ZBTB8A: variants seen among roughly 807,000 people sequenced by gnomAD.
ZBTB8A encodes the protein zinc finger and BTB domain containing 8A.
A neutral mutation model predicts 37.8 loss-of-function variants in ZBTB8A; 19 were observed. The observed-to-expected ratio is 0.50, with a 90% CI of 0.35 to 0.74. ZBTB8A has a LOEUF of 0.74. ZBTB8A is among the 30% of genes least tolerant of loss of function. The pLI is 0.01. For missense variants in ZBTB8A, 394 were observed against 537.8 expected (o/e 0.73, Z 2.65); for synonymous variants, 181 against 185.2 (o/e 0.98, Z 0.19).
At chr1:32,566,820 A>G (rs555327081) in intron 2 of ZBTB8A, among the ~76,000 whole-genome samples, 1 of 152,262 alleles carries the variant, frequency 6.6e-6, no homozygotes, top group Middle Eastern at 3.4e-3. Flanking sequence ...TGCAGACACA[A>G]GGGATGCCAG....
intron 1 of ZBTB8A, among the ~76,000 whole-genome samples, chr1:32,550,446 A>G (rs1405085758): frequency 6.6e-6 from 1 of 151,820 alleles, no homozygotes; most frequent in Non-Finnish European, 1.5e-5. Flanking sequence ...GTGAGACCCC[A>G]TCTCTACAAA....
chr1:32,573,918 T>G (rs1421104309), intron 2 of ZBTB8A, among the ~76,000 whole-genome samples: 1 of 150,920 alleles, frequency 6.6e-6, no homozygotes, highest in African/African-American at 2.4e-5. Context: ...CTACTAAAAA[T>G]CCAAAAAATT....
At chr1:32,563,093 T>G (rs1209522407) in intron 2 of ZBTB8A, among the ~76,000 whole-genome samples, 1 of 152,238 alleles carries the variant, frequency 6.6e-6, no homozygotes, top group Non-Finnish European at 1.5e-5. Context: ...ACTTTATTGT[T>G]TTAACTCTTA....
intron 2 of ZBTB8A, among the ~76,000 whole-genome samples, chr1:32,565,353 A>G (rs1246309269): frequency 6.6e-6 from 1 of 152,064 alleles, no homozygotes; most frequent in African/African-American, 2.4e-5. Context: ...AAAGAAAAAA[A>G]GAAATCCGTT....
intron 2 of ZBTB8A, among the ~76,000 whole-genome samples, chr1:32,567,446 A>C (rs1270929646): frequency 1.3e-5 from 2 of 152,112 alleles, no homozygotes; most frequent in African/African-American, 4.8e-5. Context: ...TAATTTTATC[A>C]TAAACTGGCT....
chr1:32,583,917 T>C (rs927429503), intron 2 of ZBTB8A, among the ~76,000 whole-genome samples: 3 of 152,062 alleles, frequency 2.0e-5, no homozygotes, highest in Non-Finnish European at 4.4e-5. Context: ...CTCCTTTTCG[T>C]ATTTTTAGTA....
intron 4 of ZBTB8A, among the ~76,000 whole-genome samples, chr1:32,598,007 A>G (rs768054763): frequency 1.1e-4 from 17 of 149,462 alleles, no homozygotes; most frequent in South Asian, 2.1e-4. Context: ...ACCCACCTCC[A>G]CTTCCCAAAG....
chr1:32,571,455 TA>T, intron 2 of ZBTB8A, among the ~76,000 whole-genome samples: 1 of 152,326 alleles, frequency 6.6e-6, no homozygotes, highest in East Asian at 1.9e-4. Context: ...GAGATAGCCT[TA>T]TTTTTTTTTG....
intron 1 of ZBTB8A, among the ~76,000 whole-genome samples, chr1:32,548,137 T>TAAAAAAA (rs770998213): frequency 9.1e-5 from 6 of 65,762 alleles, no homozygotes; most frequent in South Asian, 5.3e-4. Flanking sequence ...CGTCTCAAAT[T>TAAAAAAA]AAAAAAAAAA....
chr1:32,543,772 GT>G (rs1434962779), intron 1 of ZBTB8A, among the ~76,000 whole-genome samples: 1 of 152,098 alleles, frequency 6.6e-6, no homozygotes, highest in African/African-American at 2.4e-5. Flanking sequence ...CGCCTCCTGG[GT>G]TCACGCCATT....
chr1:32,556,130 G>A (rs549936011), intron 2 of ZBTB8A, among the ~76,000 whole-genome samples: 2 of 152,076 alleles, frequency 1.3e-5, no homozygotes, highest in Admixed American at 1.3e-4. Context: ...CTGGAGTGCA[G>A]TAACGTGATC....
At position 32,586,866 on chromosome 1, in the gene ZBTB8A, G is replaced by A. The variant is rs1276165410; in HGVS notation, c.-1-6065G>A. On this transcript the variant is annotated intron_variant, in intron 2 of 4. Coordinates refer to ENST00000373510, the MANE Select transcript of ZBTB8A (RefSeq NM_001040441.3). ...AACCATTGGAAGGTTTTGTGCAGAG[G>A]AGTAATGTGATTTCACTTACGTTTT... Among the ~76,000 whole-genome samples, 7 of 152,098 alleles carry A rather than the reference G, an allele frequency of 4.6e-5. No individual in the cohort carries two copies. In the East Asian group the frequency reaches 9.6e-4, roughly 21 times the overall value.
chr1:32,541,960 A>AT (rs1277894067), intron 1 of ZBTB8A, among the ~76,000 whole-genome samples: 1 of 152,154 alleles, frequency 6.6e-6, no homozygotes, highest in Non-Finnish European at 1.5e-5. Context: ...TTGACTTACG[A>AT]TTTTTTGACT....
At chr1:32,561,640 C>T (rs890428178) in intron 2 of ZBTB8A, among the ~76,000 whole-genome samples, 5 of 151,942 alleles carry the variant, frequency 3.3e-5, no homozygotes, top group Admixed American at 6.6e-5. Context: ...AAGCAGTCTG[C>T]CCTTCCTTGG....
intron 2 of ZBTB8A, among the ~76,000 whole-genome samples, chr1:32,567,818 A>AACAAAC (rs1557707686): frequency 1.3e-4 from 3 of 23,084 alleles, no homozygotes; most frequent in African/African-American, 1.9e-4. Context: ...AAAAAAAAAA[A>AACAAAC]AAAAACAAAA....
At chr1:32,588,479 C>G (rs1644464748) in intron 2 of ZBTB8A, among the ~76,000 whole-genome samples, 1 of 151,708 alleles carries the variant, frequency 6.6e-6, no homozygotes, top group African/African-American at 2.4e-5. Flanking sequence ...CCAATACATT[C>G]CAAAATTTGG....
At chr1:32,571,858 T>C (rs1001868116) in intron 2 of ZBTB8A, among the ~76,000 whole-genome samples, 2 of 152,162 alleles carry the variant, frequency 1.3e-5, no homozygotes. Flanking sequence ...ATTACAGGTG[T>C]GAACCACTGC....
chr1:32,601,943 A>G lies in ZBTB8A; in HGVS notation c.*1524A>G. The G allele has an allele frequency of 3.0e-6, 1 of 336,486 alleles. No homozygotes were observed. Among genetic ancestry groups the G allele is most frequent in the East Asian group, 4.5e-5 (1 of 22,236 alleles). 20.8% of individuals were successfully genotyped at this position (336,486 alleles called of 1,614,324 possible). The stretch of plus-strand genomic sequence containing the variant: ...TTTAAAGTATAAAACTATTTGAACA[A>G]ATTATTCACTTAAATATGTTGAACA... On this transcript the variant is annotated 3_prime_UTR_variant, in exon 5 of 5. Transcript: ENST00000373510.
intron 2 of ZBTB8A, among the ~76,000 whole-genome samples, chr1:32,580,693 G>A (rs547963906): frequency 6.6e-6 from 1 of 152,204 alleles, no homozygotes; most frequent in South Asian, 2.1e-4. Context: ...GGACTTCTAG[G>A]AATCAAATTA....
Sources: allele counts gnomAD v4.1 joint callset (sites outside exome capture counted in the v4.1 genomes callset), GRCh38; gene constraint gnomAD v4.1.1; transcripts MANE v1.5; gene names NCBI Gene and HGNC (gene_info 2026-07-23, HGNC 2026-07-21).